The following ASXL3 variants were observed in gnomAD, a reference collection of about 807,000 sequenced individuals.
The protein encoded by ASXL3 is putative Polycomb group protein ASXL3.
ASXL3 carries 34 observed loss-of-function variants against 170.6 expected under a neutral mutation model. The ratio of observed to expected loss-of-function variants is 0.20; its 90% CI spans 0.15 to 0.27. ASXL3 has a LOEUF of 0.27. ASXL3 is among the 10% of genes least tolerant of loss of function. The probability of loss-of-function intolerance (pLI) is 1.00; values close to 1 mark genes in which losing one functional copy is unlikely to be tolerated. For missense variants in ASXL3, 2,592 were observed against 2,695.3 expected (o/e 0.96, Z 0.85); for synonymous variants, 1,002 against 989.1 (o/e 1.01, Z -0.24).
intron 1 of ASXL3, among the ~76,000 whole-genome samples, chr18:33,603,240 G>C (rs559485819): frequency 6.6e-6 from 1 of 152,032 alleles, no homozygotes; most frequent in Non-Finnish European, 1.5e-5. Flanking sequence ...CTCTTTGAGA[G>C]ACACCAAGGA....
chr18:33,670,895 A>G, intron 6 of ASXL3, 105 bp downstream of exon 6: 1 of 668,542 alleles, frequency 1.5e-6, no homozygotes, highest in East Asian at 3.1e-5. Context: ...TAATACTTCC[A>G]CTTGAGGTTT....
At chr18:33,622,538 T>A (rs1453421363) in intron 2 of ASXL3, among the ~76,000 whole-genome samples, 5 of 152,192 alleles carry the variant, frequency 3.3e-5, no homozygotes, top group Non-Finnish European at 5.9e-5. Context: ...AAAATTTAAA[T>A]GACATAATCA....
At chr18:33,723,698 C>T (rs1298967129) in intron 8 of ASXL3, among the ~76,000 whole-genome samples, 1 of 152,146 alleles carries the variant, frequency 6.6e-6, no homozygotes, top group Non-Finnish European at 1.5e-5. Context: ...GAATTGACTC[C>T]AATTTTGAAA....
chr18:33,578,725 G>GGCCCCGCCGCTC (rs2064967447), intron 1 of ASXL3, 40 bp downstream of exon 1: 1 of 1,153,978 alleles, frequency 8.7e-7, no homozygotes, highest in Non-Finnish European at 1.1e-6. Flanking sequence ...GCCTCCCGCC[G>GGCCCCGCCGCTC]GCCCCGCCGC....
At chr18:33,732,095 A>G (rs778077409) in intron 9 of ASXL3, 31 bp downstream of exon 9, 96 of 1,546,732 alleles carry the variant, frequency 6.2e-5, no homozygotes, top group Non-Finnish European at 8.6e-5. Context: ...ATTATGTGAC[A>G]TATTGGAGTA....
chr18:33,640,007 C>G (rs960011658), intron 2 of ASXL3, among the ~76,000 whole-genome samples: 4 of 152,234 alleles, frequency 2.6e-5, no homozygotes, highest in Admixed American at 2.6e-4. Flanking sequence ...CATATCCTCA[C>G]ATAGAAAATC....
intron 1 of ASXL3, among the ~76,000 whole-genome samples, chr18:33,600,640 C>T (rs1052161296): frequency 5.9e-5 from 9 of 152,026 alleles, no homozygotes; most frequent in East Asian, 3.9e-4. Context: ...AAAAGGAATG[C>T]GAAGTGTTTT....
chr18:33,671,377 C>T (rs1456979718), intron 6 of ASXL3, among the ~76,000 whole-genome samples: 1 of 152,128 alleles, frequency 6.6e-6, no homozygotes, highest in Non-Finnish European at 1.5e-5. Context: ...ATAATCTCTC[C>T]CTCTCTTCAA....
At chr18:33,715,305 G>T (rs970218607) in intron 8 of ASXL3, among the ~76,000 whole-genome samples, 5 of 152,136 alleles carry the variant, frequency 3.3e-5, no homozygotes, top group Admixed American at 1.3e-4. Context: ...AAACTAGCAG[G>T]TTCTCTAAAA....
At chr18:33,590,803 C>A (rs2065070814) in intron 1 of ASXL3, among the ~76,000 whole-genome samples, 1 of 152,044 alleles carries the variant, frequency 6.6e-6, no homozygotes, top group South Asian at 2.1e-4. Flanking sequence ...AGACTAGTTT[C>A]TTTATGGTTA....
intron 1 of ASXL3, among the ~76,000 whole-genome samples, chr18:33,591,677 T>C (rs1472225416): frequency 1.3e-5 from 2 of 151,968 alleles, no homozygotes; most frequent in African/African-American, 2.4e-5. Flanking sequence ...AGTCTTTCTC[T>C]GTCGCCCAGG....
At chr18:33,580,424 A>G (rs2145085385) in intron 1 of ASXL3, among the ~76,000 whole-genome samples, 1 of 152,318 alleles carries the variant, frequency 6.6e-6, no homozygotes, top group East Asian at 1.9e-4. Context: ...TGGAGTGGCA[A>G]TCAAGTACTA....
intron 8 of ASXL3, among the ~76,000 whole-genome samples, chr18:33,730,148 G>T (rs1258156198): frequency 1.9e-4 from 29 of 151,960 alleles, no homozygotes; most frequent in Non-Finnish European, 8.8e-5. Context: ...GATGTTTTTT[G>T]TTGTCAAATT....
At chr18:33,645,812 G>C (rs1028349378) in intron 3 of ASXL3, among the ~76,000 whole-genome samples, 1 of 151,784 alleles carries the variant, frequency 6.6e-6, no homozygotes, top group East Asian at 1.9e-4. Context: ...TAGCTACTAA[G>C]CATCAGGCTG....
intron 11 of ASXL3, among the ~76,000 whole-genome samples, chr18:33,741,767 A>G (rs559546826): frequency 1.3e-5 from 2 of 152,326 alleles, no homozygotes; most frequent in Admixed American, 6.5e-5. Flanking sequence ...TGGGAAGTCC[A>G]AAGGCTCTAG....
At chr18:33,636,543 T>A (rs1264768332) in intron 2 of ASXL3, among the ~76,000 whole-genome samples, 1 of 152,060 alleles carries the variant, frequency 6.6e-6, no homozygotes, top group Non-Finnish European at 1.5e-5. Context: ...AGGTAAAGAT[T>A]TTTTGAAATA....
intron 1 of ASXL3, among the ~76,000 whole-genome samples, chr18:33,596,905 T>C (rs2065132363): frequency 6.6e-6 from 1 of 152,150 alleles, no homozygotes; most frequent in African/African-American, 2.4e-5. Flanking sequence ...AATCTCCACC[T>C]CTCAGACTCA....
chr18:33,586,009 T>G (rs1375974401), intron 1 of ASXL3, among the ~76,000 whole-genome samples: 2 of 152,168 alleles, frequency 1.3e-5, no homozygotes, highest in African/African-American at 4.8e-5. Context: ...TCATAATTAT[T>G]TATGACTTAT....
chr18:33,689,341 C>T (rs993201915), intron 8 of ASXL3, among the ~76,000 whole-genome samples: 8 of 152,172 alleles, frequency 5.3e-5, no homozygotes, highest in Admixed American at 3.9e-4. Flanking sequence ...TACATAAGTA[C>T]AGTGTAACCA....
Sources: allele counts gnomAD v4.1 joint callset (sites outside exome capture counted in the v4.1 genomes callset), GRCh38; gene constraint gnomAD v4.1.1; transcripts MANE v1.5; gene names NCBI Gene and HGNC (gene_info 2026-07-23, HGNC 2026-07-21).